Variants in PLEKHG5 observed in about 807,000 individuals in gnomAD.
The protein encoded by PLEKHG5 is pleckstrin homology domain-containing family G member 5.
PLEKHG5 carries 52 observed loss-of-function variants against 103.8 expected under a neutral mutation model. The observed-to-expected ratio is 0.50, with a 90% confidence interval of 0.40 to 0.63. The LOEUF is 0.63. PLEKHG5 is among the 30% of genes least tolerant of loss of function. The pLI is 0.00. For synonymous variants in PLEKHG5, 592 were observed against 575.5 expected, an observed-to-expected ratio of 1.03 and a Z score of -0.41; for missense variants, 1,205 against 1,347.6, an observed-to-expected ratio of 0.89 and a Z score of 1.66.
chr1:6,485,681 C>T (rs1433213397), intron 1 of PLEKHG5, among the ~76,000 whole-genome samples: 2 of 147,698 alleles, frequency 1.4e-5, no homozygotes, highest in African/African-American at 2.5e-5. Context: ...CCCGCCTCCG[C>T]CTGCCCGGGC....
rs377254091 is a variant in PLEKHG5, at chr1:6,473,187, C to G, written c.796-13G>C. ...TCTTGTCTACCTCCTGGAAAGATAC[C>G]CTGGTCAGGGTCAGGGGTCATGGCC... On this transcript the variant is annotated splice_polypyrimidine_tract_variant and intron_variant, in intron 8 of 20. Transcript: ENST00000377728. The G allele has an allele frequency of 6.2e-6, 10 of 1,613,634 alleles. No individual in the cohort carries two copies. The highest frequency in any genetic ancestry group is 1.1e-5 in the South Asian group (1 of 91,074).
upstream of PLEKHG5, among the ~76,000 whole-genome samples, chr1:6,492,953 C>A (rs1046505827): frequency 1.6e-5 from 2 of 127,362 alleles, no homozygotes; most frequent in Non-Finnish European, 3.0e-5. Context: ...CCCTTATAGC[C>A]CCCAATGTCC....
upstream of PLEKHG5, among the ~76,000 whole-genome samples, chr1:6,492,728 C>T (rs1228684387): frequency 6.6e-6 from 1 of 152,114 alleles, no homozygotes; most frequent in Non-Finnish European, 1.5e-5. Flanking sequence ...AGTGACTTCC[C>T]CAGGGTCGCA....
rs1044228531 is a variant in PLEKHG5, at chr1:6,505,070, G to A, written c.-164-8501C>T. Among the ~76,000 whole-genome samples, 3 of 152,182 alleles carry A rather than the reference G, an allele frequency of 2.0e-5. No individual in the cohort carries two copies. The highest frequency in any genetic ancestry group is 4.4e-5 in the Non-Finnish European group (3 of 68,028). On this transcript the variant is annotated intron_variant, in intron 1 of 21. Transcript: ENST00000377740. This position sits in a 1 kb window ranked among gnomAD's most constrained non-coding sequence, Gnocchi z 4.2. ...TGTGGCCTGGGGGAGGCCAGCTCCTGGGCCCGAGGATGAGGCTAATGGAGA... is the reference window on the plus strand; with the variant it reads ...TGTGGCCTGGGGGAGGCCAGCTCCTAGGCCCGAGGATGAGGCTAATGGAGA...
At position 6,474,230 on chromosome 1, in the gene PLEKHG5, T is replaced by C. The variant is rs541716802; in HGVS notation, c.440-66A>G. 108 of 1,576,226 alleles carry C rather than the reference T, an allele frequency of 6.9e-5. No homozygotes were observed. The African/African-American group carries it at 1.3e-3, about 19-fold the overall frequency. On this transcript the variant is annotated intron_variant, in intron 6 of 20. Transcript: ENST00000377728. ...TGGTGGAGGAGGGGGTCCCCGGTCCTCTCTCCCCGGAGGATCCACACCAAG... is the reference window on the plus strand; with the variant it reads ...TGGTGGAGGAGGGGGTCCCCGGTCCCCTCTCCCCGGAGGATCCACACCAAG...
chr1:6,477,496 G>T (rs756161576), intron 2 of PLEKHG5, 33 bp downstream of exon 2: 1 of 1,605,720 alleles, frequency 6.2e-7, no homozygotes, highest in Non-Finnish European at 8.5e-7. Flanking sequence ...CAGGAGCTCT[G>T]GGGGCCGAGC....
chr1:6,477,380 A>T (rs918618422), intron 2 of PLEKHG5, 149 bp downstream of exon 2: 7 of 849,032 alleles, frequency 8.2e-6, no homozygotes, highest in Non-Finnish European at 1.3e-5. Context: ...TTGCTAAAAA[A>T]CATTTGGAAC....
At chr1:6,468,673 T>C (rs1479949691) in intron 19 of PLEKHG5, 87 bp from the exon 20 acceptor site, 2 of 1,421,490 alleles carry the variant, frequency 1.4e-6, no homozygotes, top group Non-Finnish European at 2.0e-6. Context: ...CGGTGGTTTA[T>C]ACCCTCTGCC....
chr1:6,507,491 C>T (rs1292129867), intron 1 of PLEKHG5, among the ~76,000 whole-genome samples: 7 of 152,122 alleles, frequency 4.6e-5, no homozygotes, highest in Non-Finnish European at 7.4e-5. Context: ...CCCACCTGTG[C>T]CCCCCCAGCC....
At chr1:6,470,155 G>T in intron 16 of PLEKHG5, 81 bp downstream of exon 16, 1 of 1,492,434 alleles carries the variant, frequency 6.7e-7, no homozygotes, top group Non-Finnish European at 9.2e-7. Flanking sequence ...CGAAGGGACT[G>T]CAGAGCTGAG....
intron 2 of PLEKHG5, among the ~76,000 whole-genome samples, chr1:6,477,065 TTGA>T: frequency 6.6e-6 from 1 of 152,296 alleles, no homozygotes; most frequent in Non-Finnish European, 1.5e-5. Context: ...CCATAGGCAG[TTGA>T]TGGTGGGCCT....
At chr1:6,475,433 G>T in intron 4 of PLEKHG5, 29 bp downstream of exon 4, 1 of 1,601,170 alleles carries the variant, frequency 6.2e-7, no homozygotes, top group Non-Finnish European at 8.6e-7. Context: ...TAGGGAACCC[G>T]CATCTGCCGG....
At chr1:6,489,132 C>T (rs1176923376) in intron 1 of PLEKHG5, among the ~76,000 whole-genome samples, 1 of 152,166 alleles carries the variant, frequency 6.6e-6, no homozygotes, top group African/African-American at 2.4e-5. Context: ...GAGGGATGTC[C>T]TTGCCAGGAA....
chr1:6,500,379 A>AG (rs976167288), upstream of PLEKHG5, among the ~76,000 whole-genome samples: 6 of 152,166 alleles, frequency 3.9e-5, no homozygotes, highest in Admixed American at 2.0e-4. Context: ...TCGGGGTGGC[A>AG]GGGGGGCGGC....
chr1:6,482,668 T>A (rs1403793534), intron 1 of PLEKHG5, among the ~76,000 whole-genome samples: 1 of 152,218 alleles, frequency 6.6e-6, no homozygotes, highest in African/African-American at 2.4e-5. Context: ...AGCCACTGTG[T>A]GTGGGGCTCT....
upstream of PLEKHG5, among the ~76,000 whole-genome samples, chr1:6,498,379 TCA>T (rs1645257428): frequency 1.3e-5 from 2 of 152,296 alleles, no homozygotes; most frequent in South Asian, 2.1e-4. Context: ...GCCCTGGGAC[TCA>T]CAGGTGACCA....
chr1:6,517,432 A>G (rs1638656748), intron 1 of PLEKHG5, among the ~76,000 whole-genome samples: 1 of 152,090 alleles, frequency 6.6e-6, no homozygotes, highest in Non-Finnish European at 1.5e-5. Flanking sequence ...AGTGTCACCC[A>G]CACCTGGACG....
At chr1:6,475,194 G>GCCCTCCTCCCCACCCTCCTTCCCAA in intron 4 of PLEKHG5, 56 bp from the exon 5 acceptor site, 1 of 648,288 alleles carries the variant, frequency 1.5e-6, no homozygotes, top group South Asian at 1.6e-5. Flanking sequence ...CCTCATTCCC[G>GCCCTCCTCCCCACCCTCCTTCCCAA]CCCTCCTCCC....
At chr1:6,500,762 C>T (rs998884263), upstream of PLEKHG5, among the ~76,000 whole-genome samples, 12 of 152,302 alleles carry the variant, frequency 7.9e-5, no homozygotes, top group South Asian at 2.1e-4. Flanking sequence ...CCTGAGCTCC[C>T]GCCACTGCAT....
Sources: gnomAD v4.1 joint callset for allele counts (sites outside exome capture counted in the v4.1 genomes callset) on GRCh38, gnomAD v4.1.1 for gene constraint, Gnocchi (gnomAD v3.1) non-coding constraint, MANE v1.5 for transcripts, NCBI Gene and HGNC (gene_info 2026-07-23, HGNC 2026-07-21) for gene names.